Variants in LRRC4B observed in about 807,000 individuals in gnomAD.
The protein encoded by LRRC4B is leucine-rich repeat-containing protein 4B.
LRRC4B carries 1 observed loss-of-function variant against 7.3 expected under a neutral mutation model. That is an observed-to-expected ratio of 0.14 (90% confidence interval 0.05 to 0.65). The LOEUF (loss-of-function observed/expected upper bound fraction) is 0.65, where lower values mean the gene tolerates loss of function less well. Among genes scored for constraint, LRRC4B ranks in the 30% least tolerant of loss-of-function variants. LRRC4B has a pLI of 0.84. For synonymous variants in LRRC4B, 500 were observed against 499.2 expected, an observed-to-expected ratio of 1.00 and a Z score of -0.02; for missense variants, 730 against 1,041.6, an observed-to-expected ratio of 0.70 and a Z score of 4.12.
intron 2 of LRRC4B, among the ~76,000 whole-genome samples, chr19:50,531,796 C>A (rs1280208964): frequency 6.6e-6 from 1 of 152,180 alleles, no homozygotes; most frequent in Non-Finnish European, 1.5e-5. Context: ...ACTTTCCTCC[C>A]AGGTAGCATG....
intron 1 of LRRC4B, among the ~76,000 whole-genome samples, chr19:50,552,683 T>TCCATCCATCCATCCAC (rs377729910): frequency 0.018 from 2,235 of 121,428 alleles, 115 homozygotes; most frequent in Middle Eastern, 0.027. Context: ...CATCCATCCA[T>TCCATCCATCCATCCAC]CCATCCGTCC....
Position 50,548,873 on chromosome 19 carries a change from GCTGT to G in LRRC4B, c.-35-4_-35-1del. 1 of 1,404,078 alleles carries G rather than the reference GCTGT, an allele frequency of 7.1e-7. No homozygotes were observed. 87.0% of individuals were successfully genotyped at this position (1,404,078 alleles called of 1,614,324 possible). ...TCATGCTCCGCGTGGACGCTGGGGG[GCTGT>G]GGGTGGGGGAGAGAAGGGGGAGAGG... On this transcript the variant is annotated splice_acceptor_variant and splice_polypyrimidine_tract_variant and intron_variant, in intron 1 of 2. Transcript: ENST00000652263. LOFTEE classifies it low-confidence loss of function (5UTR_SPLICE). The surrounding 1 kb of genome is among the most constrained non-coding windows in gnomAD (Gnocchi z 6.8).
At chr19:50,546,940 G>A (rs937729949) in intron 2 of LRRC4B, among the ~76,000 whole-genome samples, 6 of 152,324 alleles carry the variant, frequency 3.9e-5, no homozygotes, top group South Asian at 2.1e-4. Context: ...GTGAGCTGCC[G>A]GGGCTAGGGC....
intron 2 of LRRC4B, among the ~76,000 whole-genome samples, chr19:50,534,886 T>C (rs1391533884): frequency 2.6e-5 from 4 of 152,204 alleles, no homozygotes; most frequent in African/African-American, 9.6e-5. Context: ...TATTTATTTA[T>C]TTATTTGAGA....
chr19:50,529,178 A>T (rs981191204), intron 2 of LRRC4B, among the ~76,000 whole-genome samples: 1 of 152,106 alleles, frequency 6.6e-6, no homozygotes, highest in Non-Finnish European at 1.5e-5. Flanking sequence ...AAACACCAAC[A>T]GCAAAAAAAC....
chr19:50,557,472 T>C (rs1452472119), intron 1 of LRRC4B, among the ~76,000 whole-genome samples: 2 of 152,108 alleles, frequency 1.3e-5, no homozygotes, highest in Non-Finnish European at 2.9e-5. Context: ...TGATGCTGCA[T>C]GGGGCTGTGG....
chr19:50,547,636 G>T (rs1220090791), intron 2 of LRRC4B, among the ~76,000 whole-genome samples: 9 of 148,718 alleles, frequency 6.1e-5, no homozygotes, highest in Admixed American at 5.5e-4. Context: ...GGAACTGGGG[G>T]TGGGGTGCTA....
At position 50,518,799 on chromosome 19, in the gene LRRC4B, C is replaced by T. The variant is rs774026348; in HGVS notation, c.914G>A (p.Arg305His). 3.6e-5 allele frequency: 58 copies of T among 1,613,908 alleles called. No individual in the cohort carries two copies. The highest frequency in any genetic ancestry group is 4.2e-5 in the Non-Finnish European group (49 of 1,179,970). ...DLFTPLHRLE[R>H]VHLNHNPWHC... ...CCAGGGGTTGTGGTTGAGGTGCACG[C>T]GCTCGAGGCGGTGCAGGGGCGTGAA... The change falls in exon 3 of 3, where the codon CGC becomes CAC. Residue 305 changes from arginine to histidine, a missense_variant. Transcript: ENST00000652263.
intron 2 of LRRC4B, among the ~76,000 whole-genome samples, chr19:50,535,017 T>G (rs562453650): frequency 3.3e-5 from 4 of 121,478 alleles, no homozygotes; most frequent in Non-Finnish European, 5.9e-5. Context: ...TACAGGCGCC[T>G]GCCACCACAC....
intron 2 of LRRC4B, among the ~76,000 whole-genome samples, chr19:50,531,299 C>T (rs565546746): frequency 6.6e-6 from 1 of 152,372 alleles, no homozygotes; most frequent in South Asian, 2.1e-4. Flanking sequence ...CTGCCGGTCC[C>T]GGGGAGCGTG....
intron 2 of LRRC4B, among the ~76,000 whole-genome samples, chr19:50,529,847 T>C (rs1032491164): frequency 6.6e-6 from 1 of 152,156 alleles, no homozygotes; most frequent in Non-Finnish European, 1.5e-5. Flanking sequence ...TGCTGGTCCA[T>C]GTGCTGTCAA....
rs1217034466 is a variant in LRRC4B, at chr19:50,519,822, G to A, written c.298-407C>T. On this transcript the variant is annotated intron_variant, in intron 2 of 2. Coordinates refer to ENST00000652263, the MANE Select transcript of LRRC4B (RefSeq NM_001080457.2). The surrounding 1 kb of genome is among the most constrained non-coding windows in gnomAD (Gnocchi z 8.1). ...CAGGAGGCGGAGTCTGCAGTGAGTC[G>A]AGATAGTGCCACTGCACTCCTGCCT... is the stretch of plus-strand genomic sequence containing the variant. Among the ~76,000 whole-genome samples the A allele has an allele frequency of 5.3e-5, 8 of 151,920 alleles. No homozygotes were observed. The highest frequency in any genetic ancestry group is 1.0e-4 in the Non-Finnish European group (7 of 68,002).
chr19:50,539,425 G>A (rs1003950442), intron 2 of LRRC4B, among the ~76,000 whole-genome samples: 1 of 152,160 alleles, frequency 6.6e-6, no homozygotes, highest in Non-Finnish European at 1.5e-5. Context: ...AATAAATGGG[G>A]TTAGATGAGC....
chr19:50,518,721 G>A lies in LRRC4B; in HGVS notation c.992C>T (p.Pro331Leu). 6.2e-7 allele frequency: 1 copy of A among 1,613,942 alleles called. No homozygotes were observed. Among genetic ancestry groups the A allele is most frequent in the Non-Finnish European group, 8.5e-7 (1 of 1,179,954 alleles). ...WLSWWLKETVPSNTTCCARCH... is the reference protein window; with the variant it reads ...WLSWWLKETVLSNTTCCARCH... ...GCGGGCGCAGCACGTCGTGTTGCTG[G>A]GCACCGTCTCCTTGAGCCACCAGCT... The change falls in exon 3 of 3, where the codon CCC becomes CTC. Residue 331 changes from proline (P) to leucine (L), a missense_variant. Coordinates refer to ENST00000652263, the MANE Select transcript of LRRC4B (RefSeq NM_001080457.2).
At position 50,555,986 on chromosome 19, in the gene LRRC4B, G is replaced by A. The variant is rs983853373; in HGVS notation, c.-35-7113C>T. 2 of 152,308 alleles carry A rather than the reference G, an allele frequency of 1.3e-5. No homozygotes were observed. Among genetic ancestry groups the A allele is most frequent in the African/African-American group, 4.8e-5 (2 of 41,422 alleles). The allele number at this position is 152,308 out of a possible 1,614,324, so 9.4% of individuals were successfully genotyped here. On this transcript the variant is annotated intron_variant, in intron 1 of 2. Coordinates refer to ENST00000652263, the MANE Select transcript of LRRC4B (RefSeq NM_001080457.2). This position sits in a 1 kb window ranked among gnomAD's most constrained non-coding sequence, Gnocchi z 5.2. Reference sequence around the variant, plus strand: ...CCCTGGAAGCCGGTCCTATGGGAGAGACCCGGGTTCTGGGGGAGGGGACAG... The same window carrying A: ...CCCTGGAAGCCGGTCCTATGGGAGAAACCCGGGTTCTGGGGGAGGGGACAG...
intron 1 of LRRC4B, among the ~76,000 whole-genome samples, chr19:50,562,117 C>CAAAA (rs11333930): frequency 7.7e-6 from 1 of 130,328 alleles, no homozygotes; most frequent in Non-Finnish European, 1.7e-5. Context: ...GACCCTGTCT[C>CAAAA]AAAAAAAAAA....
intron 2 of LRRC4B, among the ~76,000 whole-genome samples, chr19:50,544,018 C>A (rs2122876536): frequency 6.7e-6 from 1 of 150,050 alleles, no homozygotes; most frequent in East Asian, 2.0e-4. Flanking sequence ...CCAGCCTGCC[C>A]AACATGGTGA....
intron 2 of LRRC4B, among the ~76,000 whole-genome samples, chr19:50,539,243 G>A (rs1474424651): frequency 2.0e-5 from 3 of 152,190 alleles, no homozygotes; most frequent in African/African-American, 7.2e-5. Flanking sequence ...GGCTGTCTGG[G>A]CCTGGCTTCT....
At chr19:50,547,024 C>T (rs922529052) in intron 2 of LRRC4B, among the ~76,000 whole-genome samples, 10 of 152,148 alleles carry the variant, frequency 6.6e-5, no homozygotes, top group African/African-American at 1.7e-4. Context: ...GTCTGTTGAA[C>T]GTCACGTGTA....
Sources: allele counts gnomAD v4.1 joint callset (sites outside exome capture counted in the v4.1 genomes callset), GRCh38; gene constraint gnomAD v4.1.1; non-coding constraint Gnocchi (gnomAD v3.1); transcripts MANE v1.5; gene names NCBI Gene and HGNC (gene_info 2026-07-23, HGNC 2026-07-21).